The following RABGAP1 variants were observed in gnomAD, a reference collection of about 807,000 sequenced individuals.
RABGAP1 encodes the protein rab GTPase-activating protein 1.
RABGAP1 carries 23 observed loss-of-function variants against 137.6 expected under a neutral mutation model. The ratio of observed to expected loss-of-function variants is 0.17; its 90% CI spans 0.12 to 0.24. The LOEUF is 0.24. Among genes scored for constraint, RABGAP1 ranks in the 10% least tolerant of loss-of-function variants. The pLI, the probability that RABGAP1 is intolerant of heterozygous loss-of-function variation, is 1.00. For missense variants in RABGAP1, 906 were observed against 1,275.8 expected (o/e 0.71, Z 4.42); for synonymous variants, 451 against 450.7 (o/e 1.00, Z -0.01).
chr9:122,979,701 ATTTGT>A (rs1280988046), intron 2 of RABGAP1, among the ~76,000 whole-genome samples: 2 of 152,106 alleles, frequency 1.3e-5, no homozygotes, highest in Non-Finnish European at 2.9e-5. Flanking sequence ...TTCCAGCTTC[ATTTGT>A]TTTATTTGTC....
chr9:123,005,056 C>CAAAAAAAAAAAAAAAAAAACAAAAAAA, intron 10 of RABGAP1, among the ~76,000 whole-genome samples: 1 of 93,892 alleles, frequency 1.1e-5, no homozygotes, highest in Non-Finnish European at 2.2e-5. Context: ...AACTCCATCT[C>CAAAAAAAAAAAAAAAAAAACAAAAAAA]AAAAAAAAAA....
the RABGAP1 span, among the ~76,000 whole-genome samples, chr9:122,932,674 C>G: frequency 6.6e-6 from 1 of 152,082 alleles, no homozygotes; most frequent in Admixed American, 6.5e-5. Context: ...GGATTACAGG[C>G]ATGCGCCACC....
intron 2 of RABGAP1, among the ~76,000 whole-genome samples, chr9:122,974,348 A>G (rs1037761439): frequency 6.6e-6 from 1 of 150,656 alleles, no homozygotes; most frequent in Non-Finnish European, 1.5e-5. Context: ...TGGAGTCAGG[A>G]CTACTGTAGG....
At chr9:123,088,646 C>G (rs908245557) in intron 19 of RABGAP1, among the ~76,000 whole-genome samples, 2 of 152,056 alleles carry the variant, frequency 1.3e-5, no homozygotes, top group Non-Finnish European at 2.9e-5. Flanking sequence ...TGAGATCACA[C>G]TACTGCACTC....
At chr9:123,017,510 G>C (rs896141961) in intron 12 of RABGAP1, among the ~76,000 whole-genome samples, 4 of 151,988 alleles carry the variant, frequency 2.6e-5, no homozygotes, top group Non-Finnish European at 4.4e-5. Context: ...TATTATTTGT[G>C]TTCTATGGAT....
At chr9:123,060,307 C>G (rs927682154) in intron 13 of RABGAP1, among the ~76,000 whole-genome samples, 1 of 152,198 alleles carries the variant, frequency 6.6e-6, no homozygotes, top group Non-Finnish European at 1.5e-5. Flanking sequence ...CCTCCCACCC[C>G]CAGGTAACCA....
chr9:123,004,791 T>C (rs1342585605), intron 10 of RABGAP1, among the ~76,000 whole-genome samples: 3 of 152,134 alleles, frequency 2.0e-5, no homozygotes, highest in Admixed American at 6.5e-5. Context: ...GCACGGTGGC[T>C]TATGCCTGTA....
intron 13 of RABGAP1, among the ~76,000 whole-genome samples, chr9:123,054,014 G>A (rs537974857): frequency 3.9e-5 from 6 of 152,342 alleles, no homozygotes; most frequent in African/African-American, 1.2e-4. Flanking sequence ...ATTACAGAAT[G>A]TGGTACCACT....
intron 15 of RABGAP1, 28 bp from the exon 16 acceptor site, chr9:123,073,524 T>A (rs745450652): frequency 1.9e-6 from 3 of 1,600,678 alleles, no homozygotes; most frequent in South Asian, 2.3e-5. Flanking sequence ...CCATCCTCCC[T>A]ACCCAACAAC....
intron 19 of RABGAP1, among the ~76,000 whole-genome samples, chr9:123,087,951 T>C (rs912832367): frequency 6.6e-6 from 1 of 151,946 alleles, no homozygotes; most frequent in African/African-American, 2.4e-5. Flanking sequence ...CCTAGTTACC[T>C]GGACCTGGGG....
intron 1 of RABGAP1, among the ~76,000 whole-genome samples, chr9:122,943,779 C>A (rs1339117853): frequency 6.6e-6 from 1 of 152,058 alleles, no homozygotes; most frequent in Admixed American, 6.5e-5. Flanking sequence ...CTGTGAAACC[C>A]CGTCTCTACT....
At chr9:123,031,847 C>T (rs1221769693) in intron 13 of RABGAP1, among the ~76,000 whole-genome samples, 3 of 152,192 alleles carry the variant, frequency 2.0e-5, no homozygotes, top group Non-Finnish European at 4.4e-5. Context: ...GTGTGACTAG[C>T]AGGCAAATTG....
At chr9:123,034,667 T>A in intron 13 of RABGAP1, 1 of 1,613,032 alleles carries the variant, frequency 6.2e-7, no homozygotes. Context: ...GAAGTATTGA[T>A]TATTGTCTTT....
In RABGAP1 at chr9:123,070,780, G is replaced by A. The variant is rs1307820340; in HGVS notation, c.1983+356G>A. Among the ~76,000 whole-genome samples the A allele has an allele frequency of 2.6e-5, 4 of 152,124 alleles. No homozygotes were observed. The highest frequency in any genetic ancestry group is 7.2e-5 in the African/African-American group (3 of 41,428). ...TTAGGTATTGGGGTAGGAGGAAGGC[G>A]GAAAAGTTGGTTTTCTTTTAGTACC... On this transcript the variant is annotated intron_variant, in intron 15 of 25. Coordinates refer to ENST00000373647, the MANE Select transcript of RABGAP1 (RefSeq NM_012197.4). This position sits in a 1 kb window ranked among gnomAD's most constrained non-coding sequence, Gnocchi z 4.4.
chr9:122,966,463 C>T (rs1835147515), intron 2 of RABGAP1, among the ~76,000 whole-genome samples: 2 of 151,972 alleles, frequency 1.3e-5, no homozygotes. Flanking sequence ...GCGGAGGTTG[C>T]AGTGAGCCTA....
chr9:123,073,639 T>G lies in RABGAP1; in HGVS notation c.2071T>G (p.Leu691Val). 6.2e-7 allele frequency: 1 copy of G among 1,613,904 alleles called. No homozygotes were observed. The highest frequency in any genetic ancestry group is 8.5e-7 in the Non-Finnish European group (1 of 1,179,846). The change falls in exon 16 of 26, where the codon TTG becomes GTG. Residue 691 changes from leucine (L) to valine (V), a missense_variant. Coordinates refer to ENST00000373647, the MANE Select transcript of RABGAP1 (RefSeq NM_012197.4). The stretch of plus-strand genomic sequence containing the variant: ...ACTTTTCAAGCAAAACTTCGAAGAT[T>G]TGCATTGCAAATTTTACCAGTTGGA... ...RELFKQNFED[L>V]HCKFYQLERL...
At chr9:122,990,346 G>T in intron 6 of RABGAP1, 133 bp downstream of exon 6, 1 of 718,814 alleles carries the variant, frequency 1.4e-6, no homozygotes, top group Non-Finnish European at 2.0e-6. Context: ...GGATGATAAA[G>T]GCATATAAAT....
At chr9:123,058,343 A>G (rs2033830233) in intron 13 of RABGAP1, among the ~76,000 whole-genome samples, 1 of 151,834 alleles carries the variant, frequency 6.6e-6, no homozygotes, top group Non-Finnish European at 1.5e-5. Context: ...AAATTTTTCT[A>G]AAATCTACAC....
At chr9:122,959,364 CAAAA>C (rs33932737) in intron 2 of RABGAP1, among the ~76,000 whole-genome samples, 5 of 107,746 alleles carry the variant, frequency 4.6e-5, no homozygotes, top group East Asian at 2.7e-4. Flanking sequence ...TGGGGCTTTA[CAAAA>C]AAAAAAAAAA....
Sources: gnomAD v4.1 joint callset for allele counts (sites outside exome capture counted in the v4.1 genomes callset) on GRCh38, gnomAD v4.1.1 for gene constraint, Gnocchi (gnomAD v3.1) non-coding constraint, MANE v1.5 for transcripts, NCBI Gene and HGNC (gene_info 2026-07-23, HGNC 2026-07-21) for gene names.